The following CDK5RAP2 variants were observed in gnomAD, a reference collection of about 807,000 sequenced individuals.
CDK5RAP2 encodes the protein CDK5 regulatory subunit associated protein 2, also known as CDK5 regulatory subunit-associated protein 2.
Under a neutral mutation model 232.9 loss-of-function variants are expected in CDK5RAP2, and 147 were observed. That is an observed-to-expected ratio of 0.63 (90% CI 0.55 to 0.72). CDK5RAP2 has a LOEUF of 0.72. Among genes scored for constraint, CDK5RAP2 ranks in the 30% least tolerant of loss-of-function variants. The pLI is 0.00. For synonymous variants in CDK5RAP2, 833 were observed against 833.7 expected (o/e 1.00, Z 0.01); for missense variants, 2,195 against 2,231.5 (o/e 0.98, Z 0.33).
Position 120,417,609 on chromosome 9 carries a change from A to G in CDK5RAP2, c.4177+2179T>C, listed in dbSNP as rs553988227. On this transcript the variant is annotated intron_variant, in intron 27 of 37. Coordinates refer to ENST00000349780, the MANE Select transcript of CDK5RAP2 (RefSeq NM_018249.6). ...TCTTTGGCCAGGAGGCGGAATCATC[A>G]CTTGGGCTTAAGGAAACATTCCCAG... 1.4e-3 allele frequency among the ~76,000 whole-genome samples: 217 copies of G among 152,344 alleles called. 2 individuals carry two copies. Among genetic ancestry groups the G allele is most frequent in the African/African-American group, 5.1e-3 (212 of 41,584 alleles).
At chr9:120,424,894 A>G (rs923195360) in intron 25 of CDK5RAP2, among the ~76,000 whole-genome samples, 1 of 151,916 alleles carries the variant, frequency 6.6e-6, no homozygotes, top group South Asian at 2.1e-4. Context: ...TAGAGTATTC[A>G]CTGTGCTGGC....
rs149441586 is a variant in CDK5RAP2 at position 120,437,296 on chromosome 9, G to A, written c.3954C>T (p.Asn1318=). ...LLEKLEKLFL[N]GKSVGVEMNT... is the part of the protein sequence containing the mutation. ...ACTCGCGTACCTCACCCTACCTACC[G>A]TTGAGAAATAGCTTTTCCAATTTCT... Residue 1318 remains asparagine, a splice_region_variant and synonymous_variant, in exon 25 of 38, where the codon AAC becomes AAT. Coordinates refer to ENST00000349780, the MANE Select transcript of CDK5RAP2 (RefSeq NM_018249.6). 2.7e-5 allele frequency: 44 copies of A among 1,608,268 alleles called. No individual in the cohort carries two copies. The highest frequency in any genetic ancestry group is 1.8e-4 in the East Asian group (8 of 44,706).
chr9:120,453,711 A>G lies in CDK5RAP2; in HGVS notation c.2538T>C (p.His846=). 6.2e-7 allele frequency: 1 copy of G among 1,614,222 alleles called. No individual in the cohort carries two copies. The highest frequency in any genetic ancestry group is 8.5e-7 in the Non-Finnish European group (1 of 1,180,036). ...CCTCACAAGACAACTTCAGTTCATC[A>G]TGTGGCTTGGAAAATGAGTTGGTTT... ...FVQTNSFSKP[H]DELKLSCEAQ... Residue 846 remains histidine, a synonymous_variant, in exon 21 of 38, where the codon CAT becomes CAC. Coordinates refer to ENST00000349780, the MANE Select transcript of CDK5RAP2 (RefSeq NM_018249.6).
intron 1 of CDK5RAP2, among the ~76,000 whole-genome samples, chr9:120,576,223 T>C (rs2043026014): frequency 6.6e-6 from 1 of 152,232 alleles, no homozygotes; most frequent in Non-Finnish European, 1.5e-5. Context: ...TAAGGTCCCA[T>C]ATGCACAAGT....
intron 2 of CDK5RAP2, among the ~76,000 whole-genome samples, chr9:120,570,012 C>T (rs188843688): frequency 6.6e-6 from 1 of 152,170 alleles, no homozygotes; most frequent in East Asian, 1.9e-4. Context: ...CTTAGTCAGC[C>T]TGGGGAGAGC....
At chr9:120,574,086 CA>C (rs1383056354) in intron 1 of CDK5RAP2, among the ~76,000 whole-genome samples, 2 of 152,174 alleles carry the variant, frequency 1.3e-5, no homozygotes, top group Admixed American at 1.3e-4. Context: ...CAAACAAAGC[CA>C]AAGATTCTGG....
intron 10 of CDK5RAP2, among the ~76,000 whole-genome samples, chr9:120,526,274 C>T (rs1273840196): frequency 1.3e-5 from 2 of 152,140 alleles, no homozygotes; most frequent in East Asian, 1.9e-4. Context: ...GGTCCACGGG[C>T]TCCTCAAAGT....
rs146534972 is a variant in CDK5RAP2 at position 120,535,046 on chromosome 9, C to T, written c.662+1326G>A. 4.3e-4 allele frequency among the ~76,000 whole-genome samples: 66 copies of T among 152,360 alleles called. No homozygotes were observed. In the East Asian group the frequency reaches 9.4e-3, roughly 22 times the overall value. On this transcript the variant is annotated intron_variant, in intron 7 of 37. Coordinates refer to ENST00000349780, the MANE Select transcript of CDK5RAP2 (RefSeq NM_018249.6). ...TTCCTAGCCATGAAGTCAAGAAAAA[C>T]ACAAGGTGTCAAATGGGTAAACTGA...
At chr9:120,480,166 G>A (rs530903614) in intron 14 of CDK5RAP2, among the ~76,000 whole-genome samples, 5 of 152,304 alleles carry the variant, frequency 3.3e-5, no homozygotes, top group African/African-American at 4.8e-5. Context: ...TGTTCAGTCC[G>A]TCAAGAAATT....
chr9:120,400,954 T>G, intron 34 of CDK5RAP2, 69 bp from the exon 35 acceptor site: 1 of 1,570,474 alleles, frequency 6.4e-7, no homozygotes, highest in Non-Finnish European at 8.7e-7. Context: ...AGCCTTAACA[T>G]GCAGTATAAA....
chr9:120,433,240 G>A (rs2035384210), intron 25 of CDK5RAP2, among the ~76,000 whole-genome samples: 1 of 152,274 alleles, frequency 6.6e-6, no homozygotes, highest in East Asian at 1.9e-4. Flanking sequence ...TCCTGGTTCC[G>A]CCAAGTCAGT....
chr9:120,431,391 A>T (rs955652346), intron 25 of CDK5RAP2, among the ~76,000 whole-genome samples: 3 of 152,236 alleles, frequency 2.0e-5, no homozygotes, highest in African/African-American at 7.2e-5. Context: ...AGACTCTGTC[A>T]CTTCCTGTCT....
intron 17 of CDK5RAP2, 123 bp downstream of exon 17, chr9:120,469,988 G>A: frequency 6.3e-6 from 4 of 638,226 alleles, no homozygotes; most frequent in East Asian, 5.6e-5. Flanking sequence ...ACACAACAAG[G>A]CAGAGGGGAC....
Position 120,452,374 on chromosome 9 carries a change from T to C in CDK5RAP2, c.2793+1082A>G, listed in dbSNP as rs139873170. Among the ~76,000 whole-genome samples the C allele has an allele frequency of 2.0e-5, 3 of 152,252 alleles. No individual in the cohort carries two copies. The East Asian group carries it at 5.8e-4, about 29-fold the overall frequency. On this transcript the variant is annotated intron_variant, in intron 21 of 37. Coordinates refer to ENST00000349780, the MANE Select transcript of CDK5RAP2 (RefSeq NM_018249.6). ...ATTTTGCTAATGATATATCTAACTC[T>C]CTTTTGTATGCGCAAAAGCAGTAAT...
chr9:120,494,246 C>G (rs1399854960), intron 12 of CDK5RAP2, among the ~76,000 whole-genome samples: 2 of 152,140 alleles, frequency 1.3e-5, no homozygotes, highest in Non-Finnish European at 2.9e-5. Flanking sequence ...CAGCTCTGTA[C>G]ACTGACAAAT....
chr9:120,571,231 A>T (rs2132202049), intron 2 of CDK5RAP2, among the ~76,000 whole-genome samples: 1 of 152,362 alleles, frequency 6.6e-6, no homozygotes, highest in African/African-American at 2.4e-5. Flanking sequence ...CCTGTAAGTT[A>T]AGGGATTTTC....
At chr9:120,436,760 T>G (rs575810779) in intron 25 of CDK5RAP2, among the ~76,000 whole-genome samples, 95 of 152,246 alleles carry the variant, frequency 6.2e-4, no homozygotes, top group Admixed American at 3.9e-3. Context: ...TTCTTTGCTG[T>G]AGTCTCAAAA....
intron 7 of CDK5RAP2, 79 bp downstream of exon 7, chr9:120,536,275 GGAGAAGGGAGGGATAAAA>G: frequency 7.4e-7 from 1 of 1,345,934 alleles, no homozygotes; most frequent in South Asian, 1.2e-5. Context: ...GGAAACATGG[GGAGAAGGGAGGGATAAAA>G]GAGAATAAAA....
At chr9:120,397,278 T>C (rs1372279356) in intron 35 of CDK5RAP2, among the ~76,000 whole-genome samples, 1 of 152,172 alleles carries the variant, frequency 6.6e-6, no homozygotes, top group Non-Finnish European at 1.5e-5. Context: ...CAATGATCAA[T>C]TCATGGCCAT....
Sources: allele counts gnomAD v4.1 joint callset (sites outside exome capture counted in the v4.1 genomes callset), GRCh38; gene constraint gnomAD v4.1.1; transcripts MANE v1.5; gene names NCBI Gene and HGNC (gene_info 2026-07-23, HGNC 2026-07-21).